TFPI2: variants seen among roughly 807,000 people sequenced by gnomAD.
The protein encoded by TFPI2 is placental protein 5.
TFPI2 carries 23 observed loss-of-function variants against 23.1 expected under a neutral mutation model. The observed-to-expected ratio is 1.00, with a 90% CI of 0.72 to 1.41. The LOEUF (loss-of-function observed/expected upper bound fraction) is 1.41. TFPI2 is among the 40% of genes most tolerant of loss of function. The pLI is 0.00. For missense variants in TFPI2, 291 were observed against 299.6 expected, an observed-to-expected ratio of 0.97 and a Z score of 0.21; for synonymous variants, 119 against 111.7, an observed-to-expected ratio of 1.07 and a Z score of -0.41.
Position 93,886,662 on chromosome 7 carries a change from T to A in TFPI2, c.*158A>T. 5.7e-6 allele frequency: 3 copies of A among 527,068 alleles called. No homozygotes were observed. Among genetic ancestry groups the A allele is most frequent in the Non-Finnish European group, 9.7e-6 (3 of 308,694 alleles). The allele number at this position is 527,068 out of a possible 1,614,324, so 32.6% of individuals were successfully genotyped here. ...CATTTGAATAGCAGCTAGTTATATA[T>A]AAAAAAATCCAAATTTTTTAAAAAG... On this transcript the variant is annotated 3_prime_UTR_variant, in exon 5 of 5. Coordinates refer to ENST00000222543, the MANE Select transcript of TFPI2 (RefSeq NM_006528.4).
chr7:93,888,589 G>GGAAGGAAGGAAGTAAAGAGAA (rs138314368), intron 3 of TFPI2, among the ~76,000 whole-genome samples: 1 of 103,286 alleles, frequency 9.7e-6, no homozygotes, highest in Non-Finnish European at 1.8e-5. Context: ...AGGAAGGAAA[G>GGAAGGAAGGAAGTAAAGAGAA]AGAAAGAAAG....
rs188668417 is a variant in TFPI2 at position 93,887,833 on chromosome 7, T to C, written c.461-402A>G. ...CTCTCATTCCATTATTAATCAATAATATATGCATACTAATTTCCAGGTAAC... is the reference window on the plus strand; with the variant it reads ...CTCTCATTCCATTATTAATCAATAACATATGCATACTAATTTCCAGGTAAC... On this transcript the variant is annotated intron_variant, in intron 3 of 4. Coordinates refer to ENST00000222543, the MANE Select transcript of TFPI2 (RefSeq NM_006528.4). 9.1e-4 allele frequency among the ~76,000 whole-genome samples: 138 copies of C among 152,342 alleles called. 1 individual carries two copies. The highest frequency in any genetic ancestry group is 3.0e-3 in the African/African-American group (126 of 41,570).
At chr7:93,887,017 A>C (rs528509296) in intron 4 of TFPI2, 121 bp from the exon 5 acceptor site, 3 of 801,118 alleles carry the variant, frequency 3.7e-6, no homozygotes, top group East Asian at 5.3e-5. Flanking sequence ...CTGTGAAGTC[A>C]AAACTCATTA....
At chr7:93,890,359 T>G (rs1049917937) in intron 1 of TFPI2, 40 bp from the exon 2 acceptor site, 1 of 1,576,840 alleles carries the variant, frequency 6.3e-7, no homozygotes, top group Admixed American at 1.7e-5. Flanking sequence ...AGAGGGAAAG[T>G]GGTCAGGCGT....
rs1192074856 is a variant in TFPI2, at chr7:93,890,692, G to C, written c.-14C>G. Reference sequence around the variant, plus strand: ...AGCGGGGTCCATGGTGCAGGGGGTCGGGCGGCCCGCTGGGCAAGGCGTCCG... The same window carrying C: ...AGCGGGGTCCATGGTGCAGGGGGTCCGGCGGCCCGCTGGGCAAGGCGTCCG... On this transcript the variant is annotated 5_prime_UTR_variant, in exon 1 of 5. Transcript: ENST00000222543. The C allele has an allele frequency of 1.3e-5, 21 of 1,602,050 alleles. No individual in the cohort carries two copies. The Admixed American group carries it at 1.7e-4, about 13-fold the overall frequency.
rs766367836 is a variant in TFPI2 at position 93,890,125 on chromosome 7, C to G, written c.271+12G>C. On this transcript the variant is annotated intron_variant, in intron 2 of 4. Transcript: ENST00000222543. The stretch of plus-strand genomic sequence containing the variant: ...GGAGCGCGAGAGTCCTGGGTGCGCG[C>G]AGGGCACTTACTTTCTATCCTCCAG... 2.6e-5 allele frequency: 41 copies of G among 1,580,634 alleles called. No homozygotes were observed. The highest frequency in any genetic ancestry group is 3.4e-5 in the Non-Finnish European group (39 of 1,156,782).
chr7:93,887,777 G>A (rs1296405448), intron 3 of TFPI2, among the ~76,000 whole-genome samples: 1 of 152,196 alleles, frequency 6.6e-6, no homozygotes, highest in East Asian at 1.9e-4. Flanking sequence ...ATTTTGTCGT[G>A]TTGGTAGTTT....
At position 93,886,048 on chromosome 7, in the gene TFPI2, T is replaced by C. The variant is rs1793984897; in HGVS notation, c.*772A>G. 6.6e-6 allele frequency: 1 copy of C among 152,064 alleles called. No individual in the cohort carries two copies. Among genetic ancestry groups the C allele is most frequent in the Non-Finnish European group, 1.5e-5 (1 of 67,924 alleles). The allele number at this position is 152,064 out of a possible 1,614,324, so 9.4% of individuals were successfully genotyped here. ...ATATAAATAAACACCTTAAACAGTA[T>C]AAACATTTGAAAAACTTTACTTTCC... On this transcript the variant is annotated 3_prime_UTR_variant, in exon 5 of 5. Coordinates refer to ENST00000222543, the MANE Select transcript of TFPI2 (RefSeq NM_006528.4).
At position 93,890,249 on chromosome 7, in the gene TFPI2, G is replaced by T. The variant is rs1000512824; in HGVS notation, c.159C>A (p.Tyr53Ter). The T allele has an allele frequency of 1.2e-6, 2 of 1,613,890 alleles. No homozygotes were observed. The highest frequency in any genetic ancestry group is 2.7e-5 in the African/African-American group (2 of 74,938). ...GGCAGCTCTGCGTGTACCTGTCGTA[G>T]TAGTAACGGAGAAGTAGGGCCCGGC... ...GPCRALLLRY[Y>*]YDRYTQSCRQ... is the part of the protein sequence containing the mutation. The change falls in exon 2 of 5, where the codon TAC (tyrosine) becomes TAA (stop). Residue 53 changes from tyrosine (Y) to a stop codon, truncating the protein, a stop_gained. Transcript: ENST00000222543. LOFTEE classifies it high-confidence loss of function.
rs1429281865 is a variant in TFPI2, at chr7:93,887,355, T to C, written c.537A>G (p.Arg179=). ...ANVTRYYFNP[R]YRTCDAFTYT... is the part of the protein sequence containing the mutation. ...AGGTGAAAGCATCACAGGTTCTGTA[T>C]CTTGGATTAAAATAATAGCGAGTCA... Residue 179 remains arginine, a synonymous_variant, in exon 4 of 5, where the codon AGA becomes AGG. Coordinates refer to ENST00000222543, the MANE Select transcript of TFPI2 (RefSeq NM_006528.4). The C allele has an allele frequency of 1.9e-6, 3 of 1,613,958 alleles. No individual in the cohort carries two copies. Among genetic ancestry groups the C allele is most frequent in the African/African-American group, 1.3e-5 (1 of 75,058 alleles).
At chr7:93,890,403 C>G in intron 1 of TFPI2, 84 bp from the exon 2 acceptor site, 1 of 1,497,596 alleles carries the variant, frequency 6.7e-7, no homozygotes, top group Non-Finnish European at 9.0e-7. Context: ...CCGGGGAGTT[C>G]TGTCCCCTTC....
intron 3 of TFPI2, 81 bp downstream of exon 3, chr7:93,888,954 A>G: frequency 1.5e-6 from 2 of 1,294,240 alleles, no homozygotes; most frequent in South Asian, 2.7e-5. Context: ...GCACATGTTA[A>G]TTTCGCATCA....
Position 93,887,298 on chromosome 7 carries a change from A to G in TFPI2, c.594T>C (p.Phe198=). The change falls in exon 4 of 5, where the codon TTT becomes TTC. Residue 198 remains phenylalanine (F), a synonymous_variant. Coordinates refer to ENST00000222543, the MANE Select transcript of TFPI2 (RefSeq NM_006528.4). ...YTGCGGNDNN[F]VSREDCKRAC... ...CACGTTTGCAATCCTCCCTGCTAAC[A>G]AAGTTATTGTCATTCCCTCCACAGC... 1 of 1,612,748 alleles carries G rather than the reference A, an allele frequency of 6.2e-7. No individual in the cohort carries two copies. The highest frequency in any genetic ancestry group is 8.5e-7 in the Non-Finnish European group (1 of 1,179,380).
chr7:93,888,589 G>GGAAGGAAAGAGAA (rs138314368), intron 3 of TFPI2, among the ~76,000 whole-genome samples: 3,219 of 102,970 alleles, frequency 0.031, 106 homozygotes, highest in African/African-American at 0.079. Context: ...AGGAAGGAAA[G>GGAAGGAAAGAGAA]AGAAAGAAAG....
rs1298961594 is a variant in TFPI2 at position 93,885,466 on chromosome 7, A to G, written c.*1354T>C. 6.6e-6 allele frequency: 1 copy of G among 152,086 alleles called. No homozygotes were observed. Among genetic ancestry groups the G allele is most frequent in the Non-Finnish European group, 1.5e-5 (1 of 67,942 alleles). 9.4% of individuals were successfully genotyped at this position (152,086 alleles called of 1,614,324 possible). A position where few individuals can be genotyped will look rare whatever the true frequency, so the allele number is the denominator to read the frequency against. On this transcript the variant is annotated 3_prime_UTR_variant, in exon 5 of 5. Transcript: ENST00000222543. ...ATTTACATGGTCCAAGATAAAAACT[A>G]TATCACAGTTATATTTACACAAATA...
chr7:93,887,465 A>G (rs1420656446), intron 3 of TFPI2, 34 bp from the exon 4 acceptor site: 7 of 1,549,002 alleles, frequency 4.5e-6, no homozygotes, highest in African/African-American at 1.4e-5. Context: ...TAGAAATGTT[A>G]TAATACCAGA....
intron 2 of TFPI2, chr7:93,889,911 A>G: frequency 2.2e-6 from 1 of 450,016 alleles, no homozygotes; most frequent in Non-Finnish European, 3.9e-6. Flanking sequence ...CTGAGTCCGC[A>G]CAGGCACTGA....
chr7:93,890,731 C>A lies in TFPI2; in HGVS notation c.-53G>T, dbSNP rs566170858. 23 of 1,537,436 alleles carry A rather than the reference C, an allele frequency of 1.5e-5. No homozygotes were observed. The South Asian group carries it at 1.7e-4, about 12-fold the overall frequency. On this transcript the variant is annotated 5_prime_UTR_variant, in exon 1 of 5. Coordinates refer to ENST00000222543, the MANE Select transcript of TFPI2 (RefSeq NM_006528.4). ...GCAAGGCGTCCGAGAAAGCGCCTGG[C>A]GGGAGGAGGTGCGCGGCTTTCTGCT...
At chr7:93,888,780 T>C (rs528270774) in intron 3 of TFPI2, among the ~76,000 whole-genome samples, 3 of 152,098 alleles carry the variant, frequency 2.0e-5, no homozygotes, top group African/African-American at 7.2e-5. Context: ...AGAGCCGAGA[T>C]TGTGCCACTG....
Sources: gnomAD v4.1 joint callset for allele counts (sites outside exome capture counted in the v4.1 genomes callset) on GRCh38, gnomAD v4.1.1 for gene constraint, MANE v1.5 for transcripts, NCBI Gene and HGNC (gene_info 2026-07-23, HGNC 2026-07-21) for gene names.